The following TRAPPC12 variants were observed in gnomAD, a reference collection of about 807,000 sequenced individuals.
TRAPPC12 encodes TPR repeat protein 15.
A neutral mutation model predicts 69.2 loss-of-function variants in TRAPPC12; 61 were observed. The observed-to-expected ratio is 0.88, with a 90% CI of 0.72 to 1.09. TRAPPC12 has a LOEUF of 1.09. Ranked by LOEUF, TRAPPC12 falls within the 50% of genes least tolerant of loss-of-function variation. The probability of loss-of-function intolerance (pLI) is 0.00; values close to 1 mark genes in which losing one functional copy is unlikely to be tolerated. For synonymous variants in TRAPPC12, 469 were observed against 438.9 expected, an observed-to-expected ratio of 1.07 and a Z score of -0.86; for missense variants, 1,101 against 1,016.4, an observed-to-expected ratio of 1.08 and a Z score of -1.13.
At chr2:3,412,762 T>C (rs1245792239) in intron 3 of TRAPPC12, among the ~76,000 whole-genome samples, 2 of 152,164 alleles carry the variant, frequency 1.3e-5, no homozygotes, top group Non-Finnish European at 2.9e-5. Context: ...CATCATCTGT[T>C]CCGAATCATT....
intron 5 of TRAPPC12, among the ~76,000 whole-genome samples, chr2:3,440,392 AGCTCTT>A (rs1664135157): frequency 6.6e-6 from 1 of 152,096 alleles, no homozygotes; most frequent in South Asian, 2.1e-4. Context: ...TTCTTCCTAT[AGCTCTT>A]GTGCATATTT....
chr2:3,419,269 A>G (rs1365071735), intron 3 of TRAPPC12, among the ~76,000 whole-genome samples: 1 of 152,212 alleles, frequency 6.6e-6, no homozygotes, highest in African/African-American at 2.4e-5. Context: ...GCCTAGATGC[A>G]TATATAGAAC....
intron 2 of TRAPPC12, among the ~76,000 whole-genome samples, chr2:3,391,726 G>A (rs935968578): frequency 6.6e-6 from 1 of 152,074 alleles, no homozygotes; most frequent in South Asian, 2.1e-4. Context: ...GTGTGGGATT[G>A]GATTTATTTG....
chr2:3,468,581 T>C (rs747550597), intron 9 of TRAPPC12, among the ~76,000 whole-genome samples: 1 of 152,160 alleles, frequency 6.6e-6, no homozygotes, highest in Non-Finnish European at 1.5e-5. Context: ...GGGTTGTGTT[T>C]GTTCCGTTCC....
chr2:3,390,438 G>A (rs1042788855), intron 2 of TRAPPC12, among the ~76,000 whole-genome samples: 2 of 152,208 alleles, frequency 1.3e-5, no homozygotes, highest in African/African-American at 4.8e-5. Flanking sequence ...ACCAGCTGTT[G>A]AGATGTCTAT....
intron 5 of TRAPPC12, among the ~76,000 whole-genome samples, chr2:3,442,301 TG>T (rs1355519659): frequency 1.3e-5 from 2 of 152,226 alleles, no homozygotes; most frequent in Admixed American, 1.3e-4. Context: ...TTCTCTCCCT[TG>T]TGGTAAGTGA....
chr2:3,430,877 G>T (rs892708361), intron 5 of TRAPPC12, among the ~76,000 whole-genome samples: 2 of 152,148 alleles, frequency 1.3e-5, no homozygotes, highest in East Asian at 1.9e-4. Flanking sequence ...CCTTCCGCTG[G>T]GTGTGGGAGG....
At chr2:3,399,962 C>G (rs1282910574) in intron 2 of TRAPPC12, among the ~76,000 whole-genome samples, 1 of 152,188 alleles carries the variant, frequency 6.6e-6, no homozygotes, top group African/African-American at 2.4e-5. Flanking sequence ...GCATGAGCAT[C>G]AGCTTCTCTG....
chr2:3,388,302 T>G lies in TRAPPC12; in HGVS notation c.679T>G (p.Phe227Val), dbSNP rs1312522735. ...CTTGGCCTCGGACTTCTTCGACTCC[T>G]TTACTACCTCCGCCTTCATTTCCGT... ...HSLASDFFDS[F>V]TTSAFISVSN... The change falls in exon 2 of 12, where the codon TTT becomes GTT. Residue 227 changes from phenylalanine to valine, a missense_variant. Coordinates refer to ENST00000324266, the MANE Select transcript of TRAPPC12 (RefSeq NM_016030.6). 11 of 1,607,184 alleles carry G rather than the reference T, an allele frequency of 6.8e-6. No individual in the cohort carries two copies. The Middle Eastern group carries it at 1.7e-3, about 242-fold the overall frequency.
chr2:3,419,483 ATTAC>A (rs1005409244), intron 3 of TRAPPC12, among the ~76,000 whole-genome samples: 4 of 152,308 alleles, frequency 2.6e-5, no homozygotes, highest in African/African-American at 9.6e-5. Flanking sequence ...GAAATCCTGT[ATTAC>A]TTGCTGTAGT....
intron 5 of TRAPPC12, among the ~76,000 whole-genome samples, chr2:3,435,433 C>A (rs935184853): frequency 7.9e-5 from 12 of 152,094 alleles, no homozygotes; most frequent in African/African-American, 2.7e-4. Context: ...TACATTAGCG[C>A]TAGTTTTAAT....
At chr2:3,475,742 C>T (rs1666264224) in intron 9 of TRAPPC12, among the ~76,000 whole-genome samples, 1 of 152,136 alleles carries the variant, frequency 6.6e-6, no homozygotes, top group South Asian at 2.1e-4. Context: ...TGGGTGTTGA[C>T]CACAGTGTTC....
intron 1 of TRAPPC12, among the ~76,000 whole-genome samples, chr2:3,383,700 C>T (rs567927218): frequency 1.3e-5 from 2 of 151,910 alleles, no homozygotes; most frequent in Non-Finnish European, 2.9e-5. Flanking sequence ...CCACCGCACC[C>T]GGCCTTCACA....
intron 6 of TRAPPC12, among the ~76,000 whole-genome samples, chr2:3,453,045 C>CAA (rs1425288807): frequency 6.6e-6 from 1 of 152,238 alleles, no homozygotes; most frequent in Non-Finnish European, 1.5e-5. Flanking sequence ...TGAACTTGAA[C>CAA]CCACGTCTTC....
chr2:3,420,736 C>T (rs975870287), intron 3 of TRAPPC12, among the ~76,000 whole-genome samples: 1 of 152,124 alleles, frequency 6.6e-6, no homozygotes, highest in African/African-American at 2.4e-5. Flanking sequence ...CATTGCCCTC[C>T]TAGGCGTTTC....
At chr2:3,402,418 A>G (rs568524486) in intron 3 of TRAPPC12, among the ~76,000 whole-genome samples, 11 of 152,174 alleles carry the variant, frequency 7.2e-5, no homozygotes, top group Admixed American at 2.6e-4. Context: ...GGTGAACCCC[A>G]TCTCTACTAA....
chr2:3,424,672 A>G lies in TRAPPC12; in HGVS notation c.1417+9A>G, dbSNP rs1285986173. 3 of 1,581,038 alleles carry G rather than the reference A, an allele frequency of 1.9e-6. No homozygotes were observed. The South Asian group carries it at 3.5e-5, about 18-fold the overall frequency. ...GTACCCTGGGCGCAGGGGTAAGGCC[A>G]TGGTATTTAATATTTGTACATTTGT... On this transcript the variant is annotated intron_variant, in intron 5 of 11. Transcript: ENST00000324266.
At chr2:3,401,354 T>C (rs1310519171) in intron 2 of TRAPPC12, among the ~76,000 whole-genome samples, 2 of 152,214 alleles carry the variant, frequency 1.3e-5, no homozygotes, top group Non-Finnish European at 1.5e-5. Context: ...AGCGCGAGGC[T>C]GGCCACTGTG....
chr2:3,394,773 C>G (rs1214171964), intron 2 of TRAPPC12, among the ~76,000 whole-genome samples: 1 of 152,094 alleles, frequency 6.6e-6, no homozygotes, highest in African/African-American at 2.4e-5. Context: ...CCCACTGCTG[C>G]GTATGTAAGA....
Sources: gnomAD v4.1 joint callset for allele counts (sites outside exome capture counted in the v4.1 genomes callset) on GRCh38, gnomAD v4.1.1 for gene constraint, MANE v1.5 for transcripts, NCBI Gene and HGNC (gene_info 2026-07-23, HGNC 2026-07-21) for gene names.